TBC1D32: variants seen among roughly 807,000 people sequenced by gnomAD.
TBC1D32 encodes the protein protein broad-minded.
In TBC1D32, 151 loss-of-function variants were observed where a neutral mutation model predicts 170.3. The ratio of observed to expected loss-of-function variants is 0.89; its 90% CI spans 0.78 to 1.01. The LOEUF (loss-of-function observed/expected upper bound fraction) is 1.01, where lower values mean the gene tolerates loss of function less well. TBC1D32 is among the 50% of genes least tolerant of loss of function. The probability of loss-of-function intolerance (pLI) is 0.00; values close to 1 mark genes in which losing one functional copy is unlikely to be tolerated. For missense variants in TBC1D32, 1,464 were observed against 1,457.1 expected (o/e 1.00, Z -0.08); for synonymous variants, 498 against 488.0 (o/e 1.02, Z -0.27).
chr6:121,190,650 T>C (rs1003942303), intron 22 of TBC1D32, among the ~76,000 whole-genome samples: 1 of 152,168 alleles, frequency 6.6e-6, no homozygotes, highest in Non-Finnish European at 1.5e-5. Flanking sequence ...GTGAATCCTC[T>C]AGGAGTTTAC....
At position 121,202,116 on chromosome 6, in the gene TBC1D32, TAG is replaced by T. The variant is rs983904938; in HGVS notation, c.2570+2957_2570+2958del. Among the ~76,000 whole-genome samples the T allele has an allele frequency of 9.3e-5, 14 of 150,590 alleles. 1 individual carries two copies. Among genetic ancestry groups the T allele is most frequent in the African/African-American group, 3.5e-4 (14 of 40,264 alleles). ...GGTAGCTGAAAAGAGAGGTCTGGGC[TAG>T]AGATATAAATGGGGGCATCTACTAG... is the stretch of plus-strand genomic sequence containing the variant. On this transcript the variant is annotated intron_variant, in intron 22 of 31. Transcript: ENST00000398212.
At chr6:121,251,104 T>C (rs1037069530) in intron 17 of TBC1D32, among the ~76,000 whole-genome samples, 2 of 152,032 alleles carry the variant, frequency 1.3e-5, no homozygotes, top group African/African-American at 4.8e-5. Context: ...GGGAAAACAT[T>C]CCATGCTCAT....
At chr6:121,297,007 T>C (rs891076204) in intron 10 of TBC1D32, among the ~76,000 whole-genome samples, 1 of 152,184 alleles carries the variant, frequency 6.6e-6, no homozygotes, top group Admixed American at 6.6e-5. Flanking sequence ...ACCATCCACT[T>C]ACTTACACTC....
At chr6:121,108,137 TA>T (rs1165050585) in intron 29 of TBC1D32, among the ~76,000 whole-genome samples, 1 of 152,066 alleles carries the variant, frequency 6.6e-6, no homozygotes. Flanking sequence ...CTTTTTGTCA[TA>T]AAGTAAGCTC....
chr6:121,328,301 T>A (rs1283382077), intron 1 of TBC1D32, among the ~76,000 whole-genome samples: 1 of 152,050 alleles, frequency 6.6e-6, no homozygotes. Flanking sequence ...TTATTTATTT[T>A]TTGTGACGGA....
chr6:121,268,601 T>C (rs1167932720), intron 15 of TBC1D32, among the ~76,000 whole-genome samples: 1 of 152,112 alleles, frequency 6.6e-6, no homozygotes, highest in East Asian at 1.9e-4. Context: ...CCAAGAAATA[T>C]GGGACTACGT....
At chr6:121,175,023 C>A (rs368847355) in intron 22 of TBC1D32, among the ~76,000 whole-genome samples, 3,955 of 130,138 alleles carry the variant, frequency 0.03, no homozygotes, top group Non-Finnish European at 0.037. Flanking sequence ...CAGACCTTGT[C>A]AAAAAAAAAA....
At position 121,226,178 on chromosome 6, in the gene TBC1D32, C is replaced by T. The variant is rs2128334137; in HGVS notation, c.2365-2826G>A. The stretch of plus-strand genomic sequence containing the variant: ...TGCTTATCAGTAATTGTGCCAAATG[C>T]TAACGATAAAAATAGGAATAAAGGC... On this transcript the variant is annotated intron_variant, in intron 20 of 31. Coordinates refer to ENST00000398212, the MANE Select transcript of TBC1D32 (RefSeq NM_152730.6). 2.0e-5 allele frequency among the ~76,000 whole-genome samples: 3 copies of T among 152,148 alleles called. No individual in the cohort carries two copies. In the East Asian group the frequency reaches 5.8e-4, roughly 29 times the overall value.
intron 14 of TBC1D32, among the ~76,000 whole-genome samples, chr6:121,280,635 G>T (rs1371122982): frequency 6.6e-6 from 1 of 151,710 alleles, no homozygotes; most frequent in Non-Finnish European, 1.5e-5. Context: ...ATTTTCTAGG[G>T]TGAAGAAAAA....
intron 21 of TBC1D32, among the ~76,000 whole-genome samples, chr6:121,216,421 T>C (rs1356157326): frequency 6.6e-6 from 1 of 152,172 alleles, no homozygotes; most frequent in African/African-American, 2.4e-5. Context: ...AGCTCTGCTC[T>C]CTAGGGATCC....
intron 24 of TBC1D32, among the ~76,000 whole-genome samples, chr6:121,133,698 C>T (rs1453102138): frequency 3.3e-5 from 5 of 152,012 alleles, no homozygotes; most frequent in Non-Finnish European, 5.9e-5. Context: ...CATGAATACA[C>T]AGATACATAC....
At chr6:121,125,537 G>T (rs532346601) in intron 26 of TBC1D32, among the ~76,000 whole-genome samples, 5 of 152,020 alleles carry the variant, frequency 3.3e-5, no homozygotes, top group East Asian at 1.9e-4. Flanking sequence ...CTGCACAAGT[G>T]GGGGTAGTTC....
chr6:121,200,494 G>T (rs1791399299), intron 22 of TBC1D32, among the ~76,000 whole-genome samples: 1 of 151,600 alleles, frequency 6.6e-6, no homozygotes, highest in African/African-American at 2.4e-5. Context: ...AGTTTAAGCT[G>T]CTAAGCCTTG....
Position 121,308,104 on chromosome 6 carries a change from A to G in TBC1D32, c.565-3T>C. Reference sequence around the variant, plus strand: ...GTTTGCAAGGCTTCATATCTCACCTACAATTTTTTTAAAAGACTTTTATTA... The same window carrying G: ...GTTTGCAAGGCTTCATATCTCACCTGCAATTTTTTTAAAAGACTTTTATTA... On this transcript the variant is annotated splice_region_variant and splice_polypyrimidine_tract_variant and intron_variant, in intron 4 of 31. Coordinates refer to ENST00000398212, the MANE Select transcript of TBC1D32 (RefSeq NM_152730.6). 1 of 1,607,988 alleles carries G rather than the reference A, an allele frequency of 6.2e-7. No homozygotes were observed. The highest frequency in any genetic ancestry group is 1.1e-5 in the South Asian group (1 of 89,110).
intron 1 of TBC1D32, among the ~76,000 whole-genome samples, chr6:121,329,652 CA>C (rs1268011310): frequency 1.4e-5 from 2 of 147,742 alleles, no homozygotes; most frequent in African/African-American, 2.5e-5. Context: ...GACATCGTCT[CA>C]AAAAAAATAA....
At chr6:121,115,715 A>G (rs1261358993) in intron 26 of TBC1D32, 1 of 152,358 alleles carries the variant, frequency 6.6e-6, no homozygotes, top group East Asian at 1.9e-4. Flanking sequence ...CCTGCAGGCC[A>G]AGTTTTCTTT....
intron 21 of TBC1D32, among the ~76,000 whole-genome samples, chr6:121,205,922 G>A (rs1415392469): frequency 2.6e-5 from 4 of 152,008 alleles, no homozygotes; most frequent in East Asian, 1.9e-4. Context: ...GTTTTAAAAG[G>A]CTTTCTTGGC....
chr6:121,191,078 T>A (rs556882738), intron 22 of TBC1D32, among the ~76,000 whole-genome samples: 1 of 152,286 alleles, frequency 6.6e-6, no homozygotes, highest in African/African-American at 2.4e-5. Flanking sequence ...CATATGTATA[T>A]GTGCTTGGTT....
Position 121,112,709 on chromosome 6 carries a change from T to C in TBC1D32, c.3170-50A>G, listed in dbSNP as rs1338226545. ...TTACAATATTTTGTAAGATAAAATA[T>C]TAAAATTCTGTAAATAAAATAAAAT... is the stretch of plus-strand genomic sequence containing the variant. On this transcript the variant is annotated intron_variant, in intron 28 of 31. Transcript: ENST00000398212. 5 of 1,381,066 alleles carry C rather than the reference T, an allele frequency of 3.6e-6. No homozygotes were observed. The African/African-American group carries it at 6.1e-5, about 17-fold the overall frequency. 85.6% of individuals were successfully genotyped at this position (1,381,066 alleles called of 1,614,324 possible).
Sources: gnomAD v4.1 joint callset for allele counts (sites outside exome capture counted in the v4.1 genomes callset) on GRCh38, gnomAD v4.1.1 for gene constraint, MANE v1.5 for transcripts, NCBI Gene and HGNC (gene_info 2026-07-23, HGNC 2026-07-21) for gene names.